SUGCT: variants seen among roughly 807,000 people sequenced by gnomAD.
SUGCT encodes the protein succinyl-CoA:glutarate-CoA transferase, also known as succinyl-CoA:glutarate CoA-transferase.
A neutral mutation model predicts 55.0 loss-of-function variants in SUGCT; 41 were observed. The observed-to-expected ratio is 0.74, with a 90% CI of 0.58 to 0.97. The LOEUF (loss-of-function observed/expected upper bound fraction) is 0.97. SUGCT is among the 50% of genes least tolerant of loss of function. The probability of loss-of-function intolerance (pLI) is 0.00; values close to 1 mark genes in which losing one functional copy is unlikely to be tolerated. For missense variants in SUGCT, 568 were observed against 547.8 expected (o/e 1.04, Z -0.37); for synonymous variants, 187 against 200.4 (o/e 0.93, Z 0.56).
intron 9 of SUGCT, among the ~76,000 whole-genome samples, chr7:40,421,261 T>C (rs948379277): frequency 2.0e-5 from 3 of 152,164 alleles, no homozygotes; most frequent in African/African-American, 7.2e-5. Flanking sequence ...CCTTCTACTT[T>C]CCACTTTTAC....
intron 9 of SUGCT, among the ~76,000 whole-genome samples, chr7:40,373,422 A>C (rs1322940809): frequency 1.9e-4 from 2 of 10,326 alleles, no homozygotes; most frequent in South Asian, 8.1e-3. Context: ...AAACTTTATA[A>C]ATTTTATTTT....
At chr7:40,723,989 C>T (rs1209507578) in intron 12 of SUGCT, among the ~76,000 whole-genome samples, 2 of 152,084 alleles carry the variant, frequency 1.3e-5, no homozygotes, top group Admixed American at 6.5e-5. Context: ...ATAAGAAACA[C>T]ATGTGAAACA....
chr7:40,225,475 C>T (rs769632164), intron 6 of SUGCT, among the ~76,000 whole-genome samples: 37 of 144,258 alleles, frequency 2.6e-4, no homozygotes, highest in African/African-American at 3.9e-4. Context: ...CTTACTCTGT[C>T]GCCCAGGCTG....
At chr7:40,941,696 G>A in the SUGCT span, among the ~76,000 whole-genome samples, 1 of 152,036 alleles carries the variant, frequency 6.6e-6, no homozygotes, top group South Asian at 2.1e-4. Flanking sequence ...TTGTGCTGCT[G>A]CCTATCACTT....
the SUGCT span, among the ~76,000 whole-genome samples, chr7:40,907,028 T>C: frequency 2.0e-5 from 3 of 151,966 alleles, no homozygotes; most frequent in South Asian, 4.2e-4. Flanking sequence ...CATAATAGGA[T>C]GGGGCTTCAG....
intron 10 of SUGCT, among the ~76,000 whole-genome samples, chr7:40,455,193 T>G (rs1051516468): frequency 2.6e-5 from 4 of 152,172 alleles, no homozygotes; most frequent in African/African-American, 9.6e-5. Context: ...TATGATTCCC[T>G]AAGCAGTCAT....
the SUGCT span, among the ~76,000 whole-genome samples, chr7:40,920,905 C>A: frequency 1.3e-5 from 2 of 152,196 alleles, no homozygotes; most frequent in African/African-American, 4.8e-5. Context: ...AACAAAATGC[C>A]AAGCGTGTTC....
Position 40,237,654 on chromosome 7 carries a change from A to C in SUGCT, c.504A>C (p.Pro168=), listed in dbSNP as rs774747342. Residue 168 remains proline, a synonymous_variant, in exon 7 of 14, where the codon CCA becomes CCC. Coordinates refer to ENST00000335693, the MANE Select transcript of SUGCT (RefSeq NM_001193313.2). The part of the protein sequence containing the change: ...CSITGYGQTG[P]ISQRAGYDAV... The stretch of plus-strand genomic sequence containing the variant: ...TTTTAGGGTATGGTCAGACAGGTCC[A>C]ATTTCTCAGCGAGCTGGTTATGATG... 1 of 1,613,872 alleles carries C rather than the reference A, an allele frequency of 6.2e-7. No homozygotes were observed. The highest frequency in any genetic ancestry group is 8.5e-7 in the Non-Finnish European group (1 of 1,179,842).
At chr7:40,158,301 C>T (rs1783994642) in intron 1 of SUGCT, among the ~76,000 whole-genome samples, 1 of 152,118 alleles carries the variant, frequency 6.6e-6, no homozygotes, top group Admixed American at 6.5e-5. Flanking sequence ...GACTAATATT[C>T]CTCACCCAAG....
chr7:40,683,966 C>T, intron 12 of SUGCT: 1 of 1,550,276 alleles, frequency 6.5e-7, no homozygotes, highest in South Asian at 1.2e-5. Context: ...GGGGAAAAGC[C>T]ATTTCCTTGA....
intron 12 of SUGCT, among the ~76,000 whole-genome samples, chr7:40,561,413 C>A (rs1457815195): frequency 1.3e-5 from 2 of 152,146 alleles, no homozygotes; most frequent in Non-Finnish European, 2.9e-5. Flanking sequence ...CATGGTAGTA[C>A]CACTCATTTT....
the SUGCT span, among the ~76,000 whole-genome samples, chr7:40,901,621 C>G: frequency 6.6e-6 from 1 of 152,146 alleles, no homozygotes; most frequent in Non-Finnish European, 1.5e-5. Context: ...GAGCACTGTT[C>G]AGGTCCACGT....
intron 12 of SUGCT, among the ~76,000 whole-genome samples, chr7:40,526,388 C>CAAATAATTAG (rs1793798242): frequency 6.6e-6 from 1 of 152,142 alleles, no homozygotes; most frequent in Non-Finnish European, 1.5e-5. Context: ...GTTTCAAGGA[C>CAAATAATTAG]TTCTCTACTT....
downstream of SUGCT, among the ~76,000 whole-genome samples, chr7:40,865,202 C>G (rs1345824796): frequency 6.6e-6 from 1 of 151,990 alleles, no homozygotes; most frequent in East Asian, 1.9e-4. Context: ...CTCTCTCTCT[C>G]CACACACAGA....
At chr7:40,177,078 G>A (rs1426597279) in intron 1 of SUGCT, among the ~76,000 whole-genome samples, 1 of 151,456 alleles carries the variant, frequency 6.6e-6, no homozygotes, top group Non-Finnish European at 1.5e-5. Context: ...TATTTAGGTT[G>A]TTATTATATT....
intron 9 of SUGCT, among the ~76,000 whole-genome samples, chr7:40,351,321 A>G (rs1797620629): frequency 6.6e-6 from 1 of 152,068 alleles, no homozygotes; most frequent in African/African-American, 2.4e-5. Context: ...TCTGCTTTAA[A>G]AGTATTTACC....
intron 12 of SUGCT, among the ~76,000 whole-genome samples, chr7:40,502,856 A>G (rs1023608836): frequency 6.6e-6 from 1 of 152,114 alleles, no homozygotes; most frequent in Non-Finnish European, 1.5e-5. Context: ...TTAACATATA[A>G]TTTTAGACTT....
At chr7:41,007,513 AC>A in the SUGCT span, among the ~76,000 whole-genome samples, 11 of 152,100 alleles carry the variant, frequency 7.2e-5, no homozygotes, top group Non-Finnish European at 1.2e-4. Context: ...TTAGAATATC[AC>A]CCAGGGAACC....
At chr7:40,929,301 A>G in the SUGCT span, among the ~76,000 whole-genome samples, 1 of 151,912 alleles carries the variant, frequency 6.6e-6, no homozygotes, top group Non-Finnish European at 1.5e-5. Context: ...TATGTGCCAC[A>G]TTTTCTTAAT....
Sources: gnomAD v4.1 joint callset for allele counts (sites outside exome capture counted in the v4.1 genomes callset) on GRCh38, gnomAD v4.1.1 for gene constraint, MANE v1.5 for transcripts, NCBI Gene and HGNC (gene_info 2026-07-23, HGNC 2026-07-21) for gene names.